ELK3: variants seen among roughly 807,000 people sequenced by gnomAD.
ELK3 encodes the protein ETS domain-containing protein Elk-3.
Under a neutral mutation model 28.9 loss-of-function variants are expected in ELK3, and 10 were observed. That is an observed-to-expected ratio of 0.35 (90% confidence interval 0.21 to 0.59). The LOEUF (loss-of-function observed/expected upper bound fraction) is 0.59, where lower values mean the gene tolerates loss of function less well. ELK3 is among the 20% of genes least tolerant of loss of function. The pLI is 0.82. For missense variants in ELK3, 463 were observed against 517.3 expected (o/e 0.90, Z 1.02); for synonymous variants, 272 against 243.5 (o/e 1.12, Z -1.09).
At chr12:96,231,915 G>A (rs553541985) in intron 2 of ELK3, among the ~76,000 whole-genome samples, 2 of 152,246 alleles carry the variant, frequency 1.3e-5, no homozygotes, top group East Asian at 3.9e-4. Context: ...AGCTGGTTGG[G>A]GAGACAGACA....
intron 1 of ELK3, among the ~76,000 whole-genome samples, chr12:96,216,143 C>T (rs1592673928): frequency 1.3e-5 from 2 of 152,160 alleles, no homozygotes; most frequent in East Asian, 1.9e-4. Context: ...CGGCTATGAG[C>T]GGTGTTGTCA....
chr12:96,255,274 T>C (rs1023289823), intron 3 of ELK3, among the ~76,000 whole-genome samples: 3 of 152,050 alleles, frequency 2.0e-5, no homozygotes, highest in Admixed American at 2.0e-4. Context: ...ATGCTGAGTT[T>C]GAGGACCCTG....
Position 96,246,992 on chromosome 12 carries a change from T to A in ELK3, c.260T>A (p.Phe87Tyr), listed in dbSNP as rs774087880. ...GQKFVYKFVS[F>Y]PEILKMDPHA... Reference sequence around the variant, plus strand: ...AAGTTTGTGTACAAGTTTGTCTCTTTCCCGGAGATCCTGAAGATGGATCCT... The same window carrying A: ...AAGTTTGTGTACAAGTTTGTCTCTTACCCGGAGATCCTGAAGATGGATCCT... The change falls in exon 3 of 5, where the codon TTC becomes TAC. Residue 87 changes from phenylalanine to tyrosine, a missense_variant. This residue lies in a region of ELK3 where 55 missense variants were observed against 102.5 expected (regional missense o/e 0.54). Coordinates refer to ENST00000228741, the MANE Select transcript of ELK3 (RefSeq NM_005230.4). 6.2e-7 allele frequency: 1 copy of A among 1,613,190 alleles called. No homozygotes were observed. The highest frequency in any genetic ancestry group is 1.3e-5 in the African/African-American group (1 of 74,870).
intron 1 of ELK3, among the ~76,000 whole-genome samples, chr12:96,205,492 G>A (rs902916093): frequency 1.3e-5 from 2 of 151,976 alleles, no homozygotes; most frequent in Non-Finnish European, 2.9e-5. Flanking sequence ...TTTTCTTTTA[G>A]AGACAGCATC....
intron 2 of ELK3, among the ~76,000 whole-genome samples, chr12:96,224,767 A>C (rs750961519): frequency 5.9e-5 from 9 of 152,216 alleles, no homozygotes; most frequent in Non-Finnish European, 8.8e-5. Context: ...TAAGACATAA[A>C]GGCATAGAGC....
rs35332676 is a variant in ELK3 at position 96,247,238 on chromosome 12, C to T, written c.506C>T (p.Pro169Leu). 0.034 allele frequency: 55,142 copies of T among 1,614,118 alleles called. 1,694 individuals carry two copies. The highest frequency in any genetic ancestry group is 0.098 in the South Asian group (8,918 of 91,078). Reference protein sequence around the residue: ...KAIKTEKLEEPPEDSPPVEEV... With the variant: ...KAIKTEKLEELPEDSPPVEEV... ...ATCAAGACGGAGAAGCTGGAGGAGC[C>T]GCCCGAAGACAGCCCCCCCGTGGAA... The change falls in exon 3 of 5, where the codon CCG (proline) becomes CTG (leucine). Residue 169 changes from proline (P) to leucine (L), a missense_variant. Around this residue, in one of 2 missense-constraint regions of ELK3, gnomAD observed 408 missense variants for 414.8 expected, o/e 0.98. Transcript: ENST00000228741. The surrounding 1 kb of genome is among the most constrained non-coding windows in gnomAD (Gnocchi z 5.5).
intron 2 of ELK3, among the ~76,000 whole-genome samples, chr12:96,244,706 T>G (rs1951844473): frequency 6.6e-6 from 1 of 152,200 alleles, no homozygotes; most frequent in Admixed American, 6.5e-5. Flanking sequence ...ACTTAAAATT[T>G]TAGCGAAGGA....
At chr12:96,197,120 C>G (rs1242419348) in intron 1 of ELK3, among the ~76,000 whole-genome samples, 2 of 152,088 alleles carry the variant, frequency 1.3e-5, no homozygotes, top group Admixed American at 1.3e-4. Flanking sequence ...AGGTTGTAAA[C>G]TCTCTCCAGA....
At chr12:96,254,661 A>G (rs964864756) in intron 3 of ELK3, among the ~76,000 whole-genome samples, 2 of 151,962 alleles carry the variant, frequency 1.3e-5, no homozygotes, top group African/African-American at 4.8e-5. Flanking sequence ...TGGATAAAAT[A>G]GTCTCTGATA....
chr12:96,256,286 A>G (rs1951948060), intron 3 of ELK3, among the ~76,000 whole-genome samples: 1 of 152,176 alleles, frequency 6.6e-6, no homozygotes, highest in South Asian at 2.1e-4. Flanking sequence ...GGCATTTTGC[A>G]TGGTGGGGCC....
At chr12:96,230,998 T>C (rs562217842) in intron 2 of ELK3, among the ~76,000 whole-genome samples, 67 of 152,278 alleles carry the variant, frequency 4.4e-4, no homozygotes, top group African/African-American at 1.4e-3. Flanking sequence ...GAAAGGCCCC[T>C]GTTGATTTGA....
At chr12:96,207,201 T>C (rs1287719649) in intron 1 of ELK3, among the ~76,000 whole-genome samples, 2 of 152,226 alleles carry the variant, frequency 1.3e-5, no homozygotes, top group Non-Finnish European at 1.5e-5. Flanking sequence ...CACCACTGTG[T>C]TTTTACTTCC....
Position 96,267,819 on chromosome 12 carries a change from C to G in ELK3, c.*639C>G, listed in dbSNP as rs1250663836. ...TATAATAAACTAAGCCATATTTAGA[C>G]AATAAACATTGATAAAAGAAAATGT... On this transcript the variant is annotated 3_prime_UTR_variant, in exon 5 of 5. Transcript: ENST00000228741. The G allele has an allele frequency of 1.0e-5, 1 of 95,736 alleles. No individual in the cohort carries two copies. Among genetic ancestry groups the G allele is most frequent in the African/African-American group, 4.4e-5 (1 of 22,504 alleles). 5.9% of individuals were successfully genotyped at this position (95,736 alleles called of 1,614,324 possible).
At chr12:96,266,694 C>T (rs1276014401) in intron 4 of ELK3, among the ~76,000 whole-genome samples, 1 of 152,038 alleles carries the variant, frequency 6.6e-6, no homozygotes, top group Non-Finnish European at 1.5e-5. Flanking sequence ...TGTAAAGAGT[C>T]TATGGTTTTC....
chr12:96,251,603 C>G (rs1385177577), intron 3 of ELK3, among the ~76,000 whole-genome samples: 1 of 152,084 alleles, frequency 6.6e-6, no homozygotes, highest in African/African-American at 2.4e-5. Flanking sequence ...AATGAAAGTG[C>G]TACGTCAGTG....
chr12:96,240,869 C>T (rs992052804), intron 2 of ELK3, among the ~76,000 whole-genome samples: 2 of 152,146 alleles, frequency 1.3e-5, no homozygotes, highest in Non-Finnish European at 2.9e-5. Flanking sequence ...AGACTAAGCA[C>T]GTGAACTCCA....
In ELK3 at chr12:96,268,932, C is replaced by T. The variant is rs1952064045; in HGVS notation, c.*1752C>T. 1.3e-5 allele frequency: 2 copies of T among 149,098 alleles called. No individual in the cohort carries two copies. Among genetic ancestry groups the T allele is most frequent in the South Asian group, 2.2e-4 (1 of 4,648 alleles). 9.2% of individuals were successfully genotyped at this position (149,098 alleles called of 1,614,324 possible). On this transcript the variant is annotated 3_prime_UTR_variant, in exon 5 of 5. Transcript: ENST00000228741. ...TCACAAATAATAGACACTACTGTCC[C>T]CCCACCCCCACCCCATAGGCTAAGA...
chr12:96,223,860 C>T (rs1951680554), intron 2 of ELK3, 87 bp downstream of exon 2: 2 of 1,337,114 alleles, frequency 1.5e-6, no homozygotes, highest in Non-Finnish European at 2.1e-6. Context: ...TAATAGCGTG[C>T]TATGAATCAA....
At chr12:96,229,523 C>CTTTTT (rs10578974) in intron 2 of ELK3, among the ~76,000 whole-genome samples, 6 of 66,272 alleles carry the variant, frequency 9.1e-5, no homozygotes, top group Non-Finnish European at 1.3e-4. Context: ...CCAGATTTTC[C>CTTTTT]TTTTTTTTTT....
Sources: allele counts gnomAD v4.1 joint callset (sites outside exome capture counted in the v4.1 genomes callset), GRCh38; gene constraint gnomAD v4.1.1; regional missense constraint gnomAD v4.1.1; non-coding constraint Gnocchi (gnomAD v3.1); transcripts MANE v1.5; gene names NCBI Gene and HGNC (gene_info 2026-07-23, HGNC 2026-07-21).